The following WWOX variants were observed in gnomAD, a reference collection of about 807,000 sequenced individuals.
The protein encoded by WWOX is WW domain containing oxidoreductase.
In WWOX, 69 loss-of-function variants were observed where a neutral mutation model predicts 46.2. The observed-to-expected ratio is 1.49, with a 90% CI of 1.23 to 1.82. The LOEUF is 1.82. Among genes scored for constraint, WWOX ranks in the 40% most tolerant of loss-of-function variants. The pLI is 0.00. For missense variants in WWOX, 919 were observed against 542.6 expected, an observed-to-expected ratio of 1.69 and a Z score of -6.89; for synonymous variants, 359 against 202.6, an observed-to-expected ratio of 1.77 and a Z score of -6.56.
At chr16:78,740,193 T>C (rs1164451783) in intron 8 of WWOX, among the ~76,000 whole-genome samples, 1 of 152,158 alleles carries the variant, frequency 6.6e-6, no homozygotes, top group Non-Finnish European at 1.5e-5. Flanking sequence ...TCCAGCACCA[T>C]CAGCCTGAAG....
rs77723197 is a variant in WWOX at position 79,191,985 on chromosome 16, C to T, written c.1057-19623C>T. Among the ~76,000 whole-genome samples the T allele has an allele frequency of 4.5e-3, 678 of 152,294 alleles. 3 individuals carry two copies. The highest frequency in any genetic ancestry group is 8.3e-3 in the South Asian group (40 of 4,824). ...TTAAGCTAAAAATGGCTTAAAATAC[C>T]GCAATCACTTGAAACGCCTTACATA... On this transcript the variant is annotated intron_variant, in intron 8 of 8. Transcript: ENST00000566780.
At chr16:78,927,364 G>C (rs948784537) in intron 8 of WWOX, among the ~76,000 whole-genome samples, 1 of 152,174 alleles carries the variant, frequency 6.6e-6, no homozygotes, top group African/African-American at 2.4e-5. Context: ...GAGTTTTGGT[G>C]TAAGTATTGA....
At chr16:78,807,904 C>G (rs8055957) in intron 8 of WWOX, among the ~76,000 whole-genome samples, 2,060 of 152,356 alleles carry the variant, frequency 0.014, 47 homozygotes, top group African/African-American at 0.046. Context: ...CTACATGTAC[C>G]TAACACATTG....
chr16:78,429,801 T>C (rs1257806342), intron 7 of WWOX, among the ~76,000 whole-genome samples: 1 of 152,106 alleles, frequency 6.6e-6, no homozygotes, highest in Non-Finnish European at 1.5e-5. Flanking sequence ...TTTACTGTAA[T>C]GAAAGAAAAA....
intron 8 of WWOX, among the ~76,000 whole-genome samples, chr16:78,840,389 C>G (rs1567596675): frequency 6.6e-6 from 1 of 152,262 alleles, no homozygotes; most frequent in East Asian, 1.9e-4. Flanking sequence ...CTGTGGTTGA[C>G]AAATTCAGTA....
At chr16:78,171,485 G>A in intron 5 of WWOX, among the ~76,000 whole-genome samples, 1 of 152,132 alleles carries the variant, frequency 6.6e-6, no homozygotes, top group Non-Finnish European at 1.5e-5. Context: ...GGGGAGGCAT[G>A]TGGTATGTGG....
intron 5 of WWOX, among the ~76,000 whole-genome samples, chr16:78,291,028 A>G (rs1487297814): frequency 3.9e-5 from 6 of 152,208 alleles, no homozygotes; most frequent in African/African-American, 1.4e-4. Context: ...CATTATACTT[A>G]GGCTGGTGTT....
chr16:78,423,843 C>CA (rs5818135), intron 6 of WWOX, among the ~76,000 whole-genome samples: 4,456 of 79,828 alleles, frequency 0.056, 98 homozygotes, highest in Non-Finnish European at 0.075. Flanking sequence ...AAGATCTTGT[C>CA]AAAAAAAAAA....
intron 8 of WWOX, among the ~76,000 whole-genome samples, chr16:78,923,379 T>C (rs1567651991): frequency 6.6e-6 from 1 of 152,178 alleles, no homozygotes; most frequent in African/African-American, 2.4e-5. Context: ...TTCAGATCAT[T>C]CTAAAAATAG....
chr16:78,576,783 A>G (rs2044891941), intron 8 of WWOX, among the ~76,000 whole-genome samples: 1 of 152,202 alleles, frequency 6.6e-6, no homozygotes, highest in East Asian at 1.9e-4. Context: ...ATGAGCTATG[A>G]TTGTGCCACT....
intron 8 of WWOX, among the ~76,000 whole-genome samples, chr16:78,863,812 C>G (rs1031917973): frequency 2.0e-5 from 3 of 152,138 alleles, no homozygotes; most frequent in Admixed American, 2.0e-4. Flanking sequence ...AATGATGGCT[C>G]TCAAAAAACT....
intron 8 of WWOX, among the ~76,000 whole-genome samples, chr16:78,942,539 A>G (rs2151293554): frequency 6.6e-6 from 1 of 152,326 alleles, no homozygotes; most frequent in Admixed American, 6.5e-5. Context: ...GGGTAAAGCA[A>G]GGAATTAATA....
rs867413603 is a variant in WWOX at position 78,147,698 on chromosome 16, A to T, written c.410-16485A>T. ...TCCTTTTTTTTTTTTTTTTTTTTTAAAAAAAAAAAAGGTGCTTGAATTAGA... is the reference window on the plus strand; with the variant it reads ...TCCTTTTTTTTTTTTTTTTTTTTTATAAAAAAAAAAGGTGCTTGAATTAGA... On this transcript the variant is annotated intron_variant, in intron 4 of 8. Transcript: ENST00000566780. Among the ~76,000 whole-genome samples, 456 of 51,586 alleles carry T rather than the reference A, an allele frequency of 8.8e-3. No individual in the cohort carries two copies. The East Asian group carries it at 0.12, about 13-fold the overall frequency. 33.8% of individuals were successfully genotyped at this position (51,586 alleles called of 152,430 possible). A position where few individuals can be genotyped will look rare whatever the true frequency, so the allele number is the denominator to read the frequency against.
At chr16:78,497,202 GT>G (rs1356511274) in intron 8 of WWOX, among the ~76,000 whole-genome samples, 1 of 150,624 alleles carries the variant, frequency 6.6e-6, no homozygotes, top group Non-Finnish European at 1.5e-5. Context: ...ACATGAGGAA[GT>G]TGACCAAATG....
chr16:78,866,793 T>C (rs1288217474), intron 8 of WWOX, among the ~76,000 whole-genome samples: 2 of 152,210 alleles, frequency 1.3e-5, no homozygotes, highest in Admixed American at 1.3e-4. Context: ...GTAATGTATC[T>C]TGAGCTAGGA....
rs573508337 is a variant in WWOX, at chr16:78,099,681, C to G, written c.-98C>G. On this transcript the variant is annotated 5_prime_UTR_variant, in exon 1 of 9. Transcript: ENST00000566780. ...AGTGCGCAGGCGTGAGCGGTCGGGC[C>G]CCGACGCGCGCGGGTCTCGTTTGGA... is the stretch of plus-strand genomic sequence containing the variant. The G allele has an allele frequency of 4.6e-5, 65 of 1,426,284 alleles. No homozygotes were observed. In the South Asian group the frequency reaches 5.2e-4, roughly 11 times the overall value. The allele number at this position is 1,426,284 out of a possible 1,614,324, so 88.4% of individuals were successfully genotyped here.
chr16:78,908,385 C>T (rs912033323), intron 8 of WWOX, among the ~76,000 whole-genome samples: 2 of 151,992 alleles, frequency 1.3e-5, no homozygotes, highest in Admixed American at 6.6e-5. Flanking sequence ...ACTAAAGATA[C>T]TAATATTAGC....
At chr16:78,337,075 C>A (rs1277213720) in intron 5 of WWOX, among the ~76,000 whole-genome samples, 1 of 152,140 alleles carries the variant, frequency 6.6e-6, no homozygotes, top group Non-Finnish European at 1.5e-5. Context: ...GCTAGTGCAC[C>A]TGACCCTAGG....
intron 8 of WWOX, among the ~76,000 whole-genome samples, chr16:78,836,410 C>G (rs915754688): frequency 1.3e-5 from 2 of 152,156 alleles, no homozygotes; most frequent in Non-Finnish European, 2.9e-5. Flanking sequence ...GGATTGAGGT[C>G]TCCTGAAACT....
Sources: allele counts gnomAD v4.1 joint callset (sites outside exome capture counted in the v4.1 genomes callset), GRCh38; gene constraint gnomAD v4.1.1; transcripts MANE v1.5; gene names NCBI Gene and HGNC (gene_info 2026-07-23, HGNC 2026-07-21).